Variants in FRMPD4 observed in about 807,000 individuals in gnomAD.
FRMPD4 encodes FERM and PDZ domain containing 4.
FRMPD4 carries 22 observed loss-of-function variants against 94.1 expected under a neutral mutation model. The ratio of observed to expected loss-of-function variants is 0.23; its 90% CI spans 0.17 to 0.33. The LOEUF (loss-of-function observed/expected upper bound fraction) is 0.33, where lower values mean the gene tolerates loss of function less well. Among genes scored for constraint, FRMPD4 ranks in the 10% least tolerant of loss-of-function variants. The pLI is 1.00. For synonymous variants in FRMPD4, 631 were observed against 548.6 expected (o/e 1.15, Z -2.10); for missense variants, 1,111 against 1,339.9 (o/e 0.83, Z 2.67).
chrX:12,251,546 C>G (rs1374067351), intron 1 of FRMPD4, among the ~76,000 whole-genome samples: 1 of 111,614 alleles, frequency 9.0e-6, no homozygotes, highest in Non-Finnish European at 1.9e-5. Flanking sequence ...GGGCTCAGGC[C>G]GAAGCTACCC....
chrX:11,848,335 A>G (rs1018242072), intron 1 of FRMPD4, among the ~76,000 whole-genome samples: 17 of 111,305 alleles, frequency 1.5e-4, no homozygotes, highest in Non-Finnish European at 2.3e-4. Flanking sequence ...AACTTTTTTA[A>G]AACTTGGCTT....
At chrX:12,323,161 T>C (rs751010786) in intron 1 of FRMPD4, among the ~76,000 whole-genome samples, 31 of 111,728 alleles carry the variant, frequency 2.8e-4, no homozygotes, top group Non-Finnish European at 4.7e-4. Flanking sequence ...TAGAATTGGA[T>C]GCCCCCATTC....
intron 1 of FRMPD4, among the ~76,000 whole-genome samples, chrX:12,280,279 A>AT (rs200551820): frequency 5.5e-5 from 6 of 108,205 alleles, no homozygotes; most frequent in Non-Finnish European, 1.1e-4. Context: ...AATAATAATA[A>AT]AACCAAGTTT....
In FRMPD4 at chrX:12,165,712, C is replaced by T. The variant is rs1443371798; in HGVS notation, c.41+26700C>T. Among the ~76,000 whole-genome samples, 23 of 110,188 alleles carry T rather than the reference C, an allele frequency of 2.1e-4. No homozygotes were observed. In the South Asian group the frequency reaches 7.9e-3, roughly 38 times the overall value. On this transcript the variant is annotated intron_variant, in intron 1 of 16. Coordinates refer to ENST00000675598, the MANE Select transcript of FRMPD4 (RefSeq NM_001368397.1). ...GAATGTTCTTCCATTTCTTTGTATC[C>T]TCTTTTATTTCCTTGAGCAGTGGTT...
intron 1 of FRMPD4, among the ~76,000 whole-genome samples, chrX:12,153,238 A>G (rs4240145): frequency 0.48 from 53,222 of 110,811 alleles, 10,305 homozygotes; most frequent in East Asian, 0.83. Flanking sequence ...GAGCTTATAC[A>G]TTTTATAACT....
At chrX:12,558,649 T>C (rs774938013) in intron 2 of FRMPD4, among the ~76,000 whole-genome samples, 1 of 95,896 alleles carries the variant, frequency 1.0e-5, no homozygotes, top group African/African-American at 4.0e-5. Context: ...GGGGAATGCA[T>C]GGATTTTTTT....
At chrX:12,708,743 A>G (rs1464749039) in intron 13 of FRMPD4, among the ~76,000 whole-genome samples, 1 of 112,020 alleles carries the variant, frequency 8.9e-6, no homozygotes, top group Non-Finnish European at 1.9e-5. Flanking sequence ...CTGCCTCCCC[A>G]CTAGGGTGCT....
intron 3 of FRMPD4, among the ~76,000 whole-genome samples, chrX:11,913,162 C>A (rs766738701): frequency 2.7e-5 from 3 of 112,253 alleles, no homozygotes; most frequent in Non-Finnish European, 5.6e-5. Context: ...AGCCAGATAA[C>A]ATGCACATTC....
At chrX:12,155,371 G>A (rs1213713810) in intron 1 of FRMPD4, among the ~76,000 whole-genome samples, 2 of 110,663 alleles carry the variant, frequency 1.8e-5, no homozygotes, top group African/African-American at 6.6e-5. Flanking sequence ...GCTGTCAGCA[G>A]CAAGTAATAG....
intron 3 of FRMPD4, among the ~76,000 whole-genome samples, chrX:11,883,495 A>G (rs186323288): frequency 1.2e-4 from 13 of 111,542 alleles, no homozygotes; most frequent in Non-Finnish European, 1.9e-5. Flanking sequence ...CTGATATGCA[A>G]AGCATTATAC....
intron 3 of FRMPD4, among the ~76,000 whole-genome samples, chrX:11,978,029 T>G (rs2054375848): frequency 9.1e-6 from 1 of 109,626 alleles, no homozygotes; most frequent in Admixed American, 9.7e-5. Flanking sequence ...TGGATTAAAT[T>G]TTAAAAGTTC....
chrX:12,567,993 GTCTAAAAATTA>G (rs199845161), intron 2 of FRMPD4, among the ~76,000 whole-genome samples: 1,877 of 111,296 alleles, frequency 0.017, 73 homozygotes, highest in East Asian at 0.12. Context: ...AAGGTTTACT[GTCTAAAAATTA>G]TCTAATGACA....
At chrX:11,955,925 T>C (rs2054254823) in intron 3 of FRMPD4, among the ~76,000 whole-genome samples, 1 of 111,555 alleles carries the variant, frequency 9.0e-6, no homozygotes, top group African/African-American at 3.3e-5. Flanking sequence ...GTCTTTTCAC[T>C]ACACTTCAGG....
intron 2 of FRMPD4, among the ~76,000 whole-genome samples, chrX:12,517,933 G>A (rs903514307): frequency 3.6e-5 from 4 of 111,947 alleles, no homozygotes; most frequent in Non-Finnish European, 7.5e-5. Context: ...GGTAGGCCCC[G>A]CCCGGTGAGT....
chrX:12,479,835 A>C, intron 1 of FRMPD4, among the ~76,000 whole-genome samples: 1 of 110,071 alleles, frequency 9.1e-6, no homozygotes, highest in Non-Finnish European at 1.9e-5. Context: ...GGATGCAGCT[A>C]ACTTTACCCT....
intron 1 of FRMPD4, among the ~76,000 whole-genome samples, chrX:12,292,907 T>C (rs1458948452): frequency 9.0e-6 from 1 of 110,824 alleles, no homozygotes; most frequent in Non-Finnish European, 1.9e-5. Flanking sequence ...TTGGTGTGTA[T>C]GTACCTACAC....
At chrX:11,834,463 T>C (rs1297453374) in intron 1 of FRMPD4, among the ~76,000 whole-genome samples, 1 of 112,071 alleles carries the variant, frequency 8.9e-6, no homozygotes, top group Non-Finnish European at 1.9e-5. Flanking sequence ...CGTCTGTTTT[T>C]AGAAGAGTCT....
intron 1 of FRMPD4, among the ~76,000 whole-genome samples, chrX:12,416,114 C>T (rs1316353379): frequency 9.1e-6 from 1 of 110,011 alleles, no homozygotes; most frequent in Non-Finnish European, 1.9e-5. Flanking sequence ...TTCCTTCCCT[C>T]CCTCCCTCTT....
chrX:12,611,062 T>C (rs1461505229), intron 3 of FRMPD4, among the ~76,000 whole-genome samples: 1 of 112,479 alleles, frequency 8.9e-6, no homozygotes, highest in Non-Finnish European at 1.9e-5. Context: ...ATTAATGTAC[T>C]TTCCCTCAAT....
Sources: allele counts gnomAD v4.1 joint callset (sites outside exome capture counted in the v4.1 genomes callset), GRCh38; gene constraint gnomAD v4.1.1; transcripts MANE v1.5; gene names NCBI Gene and HGNC (gene_info 2026-07-23, HGNC 2026-07-21).